Variants in TBC1D14 observed in about 807,000 individuals in gnomAD.
TBC1D14 encodes TBC1 domain family member 14.
In TBC1D14, 26 loss-of-function variants were observed where a neutral mutation model predicts 79.0. The ratio of observed to expected loss-of-function variants is 0.33; its 90% CI spans 0.24 to 0.46. The LOEUF (loss-of-function observed/expected upper bound fraction) is 0.46, where lower values mean the gene tolerates loss of function less well. Ranked by LOEUF, TBC1D14 falls within the 20% of genes least tolerant of loss-of-function variation. The pLI is 1.00. For synonymous variants in TBC1D14, 394 were observed against 349.9 expected (o/e 1.13, Z -1.40); for missense variants, 769 against 887.6 (o/e 0.87, Z 1.70).
In TBC1D14 at chr4:7,010,025, G is replaced by A. The variant is rs1048021884; in HGVS notation, c.1518+77G>A. On this transcript the variant is annotated intron_variant, in intron 10 of 13. Coordinates refer to ENST00000409757, the MANE Select transcript of TBC1D14 (RefSeq NM_020773.3). ...AGATATTGTCCAGCACGTGTTAGCT[G>A]CAAATGTCATGCCAGTGCCTTCGTT... The A allele has an allele frequency of 3.3e-6, 5 of 1,525,474 alleles. No homozygotes were observed. In the African/African-American group the frequency reaches 6.8e-5, roughly 21 times the overall value. 94.5% of individuals were successfully genotyped at this position (1,525,474 alleles called of 1,614,324 possible).
chr4:6,994,523 C>G (rs1041716257), intron 4 of TBC1D14, among the ~76,000 whole-genome samples: 3 of 152,106 alleles, frequency 2.0e-5, no homozygotes, highest in African/African-American at 7.2e-5. Flanking sequence ...ATTTTCCGTT[C>G]AGGTAATTTT....
Position 7,017,329 on chromosome 4 carries a change from G to T in TBC1D14, c.1757+2772G>T, listed in dbSNP as rs770955715. 3.2e-4 allele frequency among the ~76,000 whole-genome samples: 49 copies of T among 152,064 alleles called. 1 individual carries two copies. The highest frequency in any genetic ancestry group is 6.3e-4 in the Non-Finnish European group (43 of 67,994). On this transcript the variant is annotated intron_variant, in intron 12 of 13. Coordinates refer to ENST00000409757, the MANE Select transcript of TBC1D14 (RefSeq NM_020773.3). ...ACAAACAAACAAAAAATAAAACTGA[G>T]GCTCAGAGAGGCAGAGTGCCTTGGC...
chr4:6,971,194 A>G lies in TBC1D14; in HGVS notation c.843+3770A>G, dbSNP rs76772703. Among the ~76,000 whole-genome samples, 442 of 152,386 alleles carry G rather than the reference A, an allele frequency of 2.9e-3. 3 individuals are homozygous for G. The highest frequency in any genetic ancestry group is 5.1e-3 in the Non-Finnish European group (348 of 68,044). ...ACCACTTTTTGTCTCTGTTGAGCCA[A>G]TGACTACTTCTCAGTTTCCTCATCT... On this transcript the variant is annotated intron_variant, in intron 3 of 13. Coordinates refer to ENST00000409757, the MANE Select transcript of TBC1D14 (RefSeq NM_020773.3).
chr4:6,984,468 T>C (rs1717645015), intron 3 of TBC1D14, among the ~76,000 whole-genome samples: 2 of 149,190 alleles, frequency 1.3e-5, no homozygotes, highest in Non-Finnish European at 3.0e-5. Context: ...AATAATTCGG[T>C]GTGGTTTGGA....
chr4:7,007,078 T>C (rs1006142456), intron 9 of TBC1D14, among the ~76,000 whole-genome samples: 1 of 152,208 alleles, frequency 6.6e-6, no homozygotes, highest in Non-Finnish European at 1.5e-5. Flanking sequence ...TGTGTAGCAG[T>C]CTGCGCTCAG....
Position 7,010,610 on chromosome 4 carries a change from T to C in TBC1D14, c.1519-43T>C, listed in dbSNP as rs760542812. 3.1e-6 allele frequency: 5 copies of C among 1,599,656 alleles called. No individual in the cohort carries two copies. The South Asian group carries it at 5.6e-5, about 18-fold the overall frequency. On this transcript the variant is annotated intron_variant, in intron 10 of 13. Transcript: ENST00000409757. Reference sequence around the variant, plus strand: ...AAAAATGAACACACTACGGTGACCCTGTGGCCACTGTGATTTTAACGTGCC... The same window carrying C: ...AAAAATGAACACACTACGGTGACCCCGTGGCCACTGTGATTTTAACGTGCC...
At chr4:6,991,541 G>A (rs1367977860) in intron 3 of TBC1D14, among the ~76,000 whole-genome samples, 1 of 152,222 alleles carries the variant, frequency 6.6e-6, no homozygotes, top group African/African-American at 2.4e-5. Context: ...AACCATGCCT[G>A]CCTCAGGTAG....
At chr4:6,965,868 G>T (rs768963398) in intron 2 of TBC1D14, among the ~76,000 whole-genome samples, 2 of 152,082 alleles carry the variant, frequency 1.3e-5, no homozygotes, top group Non-Finnish European at 2.9e-5. Context: ...AGGTTTCTCC[G>T]GCATAAGATT....
In TBC1D14 at chr4:7,025,119, C is replaced by T; in HGVS notation, c.1873C>T (p.Leu625=). 1 of 1,614,230 alleles carries T rather than the reference C, an allele frequency of 6.2e-7. No individual in the cohort carries two copies. Among genetic ancestry groups the T allele is most frequent in the Non-Finnish European group, 8.5e-7 (1 of 1,180,036 alleles). The change falls in exon 13 of 14, where the codon CTG becomes TTG. Residue 625 remains leucine, a synonymous_variant. Transcript: ENST00000409757. ...CCGCACGGCCCTGGGCATCCTGAAG[C>T]TGTTCGAGGACATCCTGACCAAGAT... is the stretch of plus-strand genomic sequence containing the variant. The part of the protein sequence containing the change: ...LFRTALGILK[L]FEDILTKMDF...
At chr4:6,912,814 C>T (rs1312962039) in intron 1 of TBC1D14, among the ~76,000 whole-genome samples, 4 of 152,154 alleles carry the variant, frequency 2.6e-5, no homozygotes, top group Non-Finnish European at 5.9e-5. Flanking sequence ...GATAGGGTCT[C>T]TTACTGTCTT....
intron 3 of TBC1D14, among the ~76,000 whole-genome samples, chr4:6,990,633 G>A (rs1186814732): frequency 6.6e-6 from 1 of 152,196 alleles, no homozygotes; most frequent in Non-Finnish European, 1.5e-5. Flanking sequence ...GGAATGATGA[G>A]TTGGACTGAA....
At chr4:6,971,722 C>G in intron 3 of TBC1D14, among the ~76,000 whole-genome samples, 1 of 152,222 alleles carries the variant, frequency 6.6e-6, no homozygotes, top group East Asian at 1.9e-4. Context: ...GTTCTCGGGC[C>G]TTACTCCAGA....
chr4:6,956,820 G>T (rs563729370), intron 2 of TBC1D14, among the ~76,000 whole-genome samples: 1 of 152,230 alleles, frequency 6.6e-6, no homozygotes, highest in Admixed American at 6.5e-5. Context: ...GTCTGTGGCC[G>T]GGCTCAGGTG....
chr4:6,962,627 T>G (rs1005730353), intron 2 of TBC1D14, among the ~76,000 whole-genome samples: 1 of 152,034 alleles, frequency 6.6e-6, no homozygotes, highest in South Asian at 2.1e-4. Context: ...GCAGGGTTGG[T>G]AAATGGCCCT....
chr4:6,987,067 G>C, intron 3 of TBC1D14: 1 of 797,498 alleles, frequency 1.3e-6, no homozygotes, highest in Non-Finnish European at 1.6e-6. Flanking sequence ...CCGTACCACG[G>C]GGACGCCCCA....
Position 7,010,471 on chromosome 4 carries a change from G to A in TBC1D14, c.1519-182G>A, listed in dbSNP as rs148401084. On this transcript the variant is annotated intron_variant, in intron 10 of 13. Transcript: ENST00000409757. The stretch of plus-strand genomic sequence containing the variant: ...GAACTGAAGGAGAGCAGGCCGGGTG[G>A]CTGGGGTGGCAGAGTGGTGGTTCTG... 2.0e-5 allele frequency among the ~76,000 whole-genome samples: 3 copies of A among 152,272 alleles called. No individual in the cohort carries two copies. The East Asian group carries it at 5.8e-4, about 29-fold the overall frequency.
intron 13 of TBC1D14, among the ~76,000 whole-genome samples, chr4:7,026,912 C>A (rs1722431937): frequency 1.3e-5 from 2 of 151,330 alleles, no homozygotes. Context: ...AACAAACAAA[C>A]AAACAAAAAA....
At chr4:6,937,590 T>C (rs1353738534) in intron 2 of TBC1D14, among the ~76,000 whole-genome samples, 1 of 152,064 alleles carries the variant, frequency 6.6e-6, no homozygotes, top group Non-Finnish European at 1.5e-5. Context: ...GAAGCGTTGC[T>C]GGGGGGCAGC....
chr4:7,020,687 T>C (rs1049697195), intron 12 of TBC1D14, among the ~76,000 whole-genome samples: 2 of 152,106 alleles, frequency 1.3e-5, no homozygotes, highest in Non-Finnish European at 2.9e-5. Context: ...TTTGGTTGAG[T>C]TTTTTCTTGT....
Sources: allele counts gnomAD v4.1 joint callset (sites outside exome capture counted in the v4.1 genomes callset), GRCh38; gene constraint gnomAD v4.1.1; transcripts MANE v1.5; gene names NCBI Gene and HGNC (gene_info 2026-07-23, HGNC 2026-07-21).